SMYD3: variants seen among roughly 807,000 people sequenced by gnomAD.
The protein encoded by SMYD3 is SET and MYND domain containing 3.
Under a neutral mutation model 57.7 loss-of-function variants are expected in SMYD3, and 36 were observed. The ratio of observed to expected loss-of-function variants is 0.62; its 90% CI spans 0.48 to 0.82. SMYD3 has a LOEUF of 0.82. Among genes scored for constraint, SMYD3 ranks in the 40% least tolerant of loss-of-function variants. The probability of loss-of-function intolerance (pLI) is 0.00; values close to 1 mark genes in which losing one functional copy is unlikely to be tolerated. For synonymous variants in SMYD3, 211 were observed against 195.0 expected (o/e 1.08, Z -0.68); for missense variants, 515 against 538.8 (o/e 0.96, Z 0.44).
At chr1:246,500,883 T>A (rs1483591277) in intron 1 of SMYD3, among the ~76,000 whole-genome samples, 2 of 152,310 alleles carry the variant, frequency 1.3e-5, no homozygotes, top group Non-Finnish European at 2.9e-5. Flanking sequence ...CAAACCTCGT[T>A]ACAGAAGAAA....
intron 5 of SMYD3, among the ~76,000 whole-genome samples, chr1:245,962,938 T>A (rs1381737745): frequency 6.6e-6 from 1 of 152,206 alleles, no homozygotes; most frequent in Non-Finnish European, 1.5e-5. Context: ...CCTTTCTTTA[T>A]AAGCTCTTAT....
intron 5 of SMYD3, among the ~76,000 whole-genome samples, chr1:246,132,652 A>G (rs1015190883): frequency 6.6e-6 from 1 of 152,158 alleles, no homozygotes; most frequent in African/African-American, 2.4e-5. Flanking sequence ...TCAAAATTAA[A>G]ACTGCTATGT....
intron 1 of SMYD3, among the ~76,000 whole-genome samples, chr1:246,479,032 A>G (rs2068067867): frequency 6.7e-6 from 1 of 148,962 alleles, no homozygotes; most frequent in African/African-American, 2.6e-5. Flanking sequence ...TCTGTCCTGG[A>G]GCTGATACAT....
At chr1:245,866,726 T>C (rs903087385) in intron 8 of SMYD3, among the ~76,000 whole-genome samples, 9 of 152,066 alleles carry the variant, frequency 5.9e-5, no homozygotes, top group African/African-American at 2.2e-4. Context: ...AGCGAGACTC[T>C]GCCTCAAAAA....
At chr1:246,377,773 A>C (rs571481599) in intron 1 of SMYD3, among the ~76,000 whole-genome samples, 2 of 152,302 alleles carry the variant, frequency 1.3e-5, no homozygotes, top group African/African-American at 4.8e-5. Context: ...CATTTCTTTA[A>C]AGTATGTATT....
chr1:246,356,218 G>A (rs562118791), intron 1 of SMYD3, among the ~76,000 whole-genome samples: 1 of 152,174 alleles, frequency 6.6e-6, no homozygotes, highest in African/African-American at 2.4e-5. Flanking sequence ...TTTGGCTCTT[G>A]GGAAGCTCCA....
chr1:246,177,718 G>A lies in SMYD3; in HGVS notation c.531+149483C>T, dbSNP rs573342946. 1.3e-3 allele frequency among the ~76,000 whole-genome samples: 198 copies of A among 152,254 alleles called. 1 individual carries two copies. Among genetic ancestry groups the A allele is most frequent in the Middle Eastern group, 0.01 (3 of 294 alleles). ...ACCAGATCAATTTCCATTCCTTCTC[G>A]AAAGATGGAAGACATAAGCAAAACA... On this transcript the variant is annotated intron_variant, in intron 5 of 11. Coordinates refer to ENST00000490107, the MANE Select transcript of SMYD3 (RefSeq NM_001167740.2).
At chr1:246,424,660 T>A (rs1189003730) in intron 1 of SMYD3, among the ~76,000 whole-genome samples, 2 of 152,200 alleles carry the variant, frequency 1.3e-5, no homozygotes, top group African/African-American at 4.8e-5. Context: ...TTTTCAAAAT[T>A]AAAAAATTAA....
chr1:246,472,381 T>A (rs774062848), intron 1 of SMYD3, among the ~76,000 whole-genome samples: 1 of 152,238 alleles, frequency 6.6e-6, no homozygotes, highest in Non-Finnish European at 1.5e-5. Context: ...TTTTTCGCTA[T>A]ACCTGCTAGA....
chr1:245,906,736 C>G (rs2054589172), intron 8 of SMYD3, among the ~76,000 whole-genome samples: 1 of 152,154 alleles, frequency 6.6e-6, no homozygotes, highest in African/African-American at 2.4e-5. Context: ...GATTTGGAAG[C>G]AAACTAAACG....
rs149373655 is a variant in SMYD3, at chr1:246,069,709, C to CT, written c.532-139773dup. ...TTTGAAGTTCACCCCCATCCAAACC[C>CT]TTTGTGGCTTCCTCTGAAGAATCCT... On this transcript the variant is annotated intron_variant, in intron 5 of 11. Coordinates refer to ENST00000490107, the MANE Select transcript of SMYD3 (RefSeq NM_001167740.2). 7.8e-3 allele frequency among the ~76,000 whole-genome samples: 1,194 copies of CT among 152,312 alleles called. 19 individuals are homozygous for CT. Among genetic ancestry groups the CT allele is most frequent in the African/African-American group, 0.028 (1,144 of 41,562 alleles).
chr1:246,478,666 G>A (rs55798324), intron 1 of SMYD3, among the ~76,000 whole-genome samples: 80 of 101,558 alleles, frequency 7.9e-4, no homozygotes, highest in African/African-American at 1.1e-3. Context: ...GAGCTGGTAC[G>A]TAAGTGCTCA....
chr1:245,812,224 A>G (rs1163242659), intron 10 of SMYD3, among the ~76,000 whole-genome samples: 1 of 152,246 alleles, frequency 6.6e-6, no homozygotes, highest in African/African-American at 2.4e-5. Flanking sequence ...AAAGTCCAAC[A>G]GTTAAAACTG....
At chr1:246,264,042 T>G (rs1050330177) in intron 5 of SMYD3, among the ~76,000 whole-genome samples, 98 of 60,800 alleles carry the variant, frequency 1.6e-3, no homozygotes, top group African/African-American at 6.1e-3. Flanking sequence ...GAAATAAATG[T>G]TTTTTTTTTT....
chr1:246,138,709 G>A (rs568839463), intron 5 of SMYD3, among the ~76,000 whole-genome samples: 2 of 151,940 alleles, frequency 1.3e-5, no homozygotes, highest in South Asian at 4.2e-4. Flanking sequence ...ACAGGCATGA[G>A]TCACCGCGCC....
chr1:246,292,025 CTTAGACTTACTATCCAACACACCAGTACA>C lies in SMYD3; in HGVS notation c.531+35147_531+35175del, dbSNP rs1558381705. On this transcript the variant is annotated intron_variant, in intron 5 of 11. Transcript: ENST00000490107. ...GACTTACTATCCAACACACCAGTAC[CTTAGACTTACTATCCAACACACCAGTACA>C]TTAGACTTACTATCCAACACACCAG... 1.6e-4 allele frequency among the ~76,000 whole-genome samples: 25 copies of C among 151,746 alleles called. 1 individual carries two copies. In the East Asian group the frequency reaches 3.7e-3, roughly 22 times the overall value.
chr1:246,173,012 C>A (rs2062369107), intron 5 of SMYD3, among the ~76,000 whole-genome samples: 2 of 151,226 alleles, frequency 1.3e-5, no homozygotes, highest in Admixed American at 1.3e-4. Flanking sequence ...AGGCCTAGAA[C>A]ACTCACTGTA....
At chr1:246,198,242 G>A (rs763246497) in intron 5 of SMYD3, among the ~76,000 whole-genome samples, 3 of 152,158 alleles carry the variant, frequency 2.0e-5, no homozygotes, top group African/African-American at 2.4e-5. Flanking sequence ...TAAACCTGGG[G>A]CAAACTGGAC....
chr1:245,924,654 G>GGTTTTTTTTTTTTTTTTTTTTT (rs1558499827), intron 7 of SMYD3, among the ~76,000 whole-genome samples: 1 of 115,128 alleles, frequency 8.7e-6, no homozygotes. Context: ...CTCTATTCCA[G>GGTTTTTTTTTTTTTTTTTTTTT]CTTTTTTTTT....
Sources: gnomAD v4.1 joint callset for allele counts (sites outside exome capture counted in the v4.1 genomes callset) on GRCh38, gnomAD v4.1.1 for gene constraint, MANE v1.5 for transcripts, NCBI Gene and HGNC (gene_info 2026-07-23, HGNC 2026-07-21) for gene names.